Variants in UBE3C observed in about 807,000 individuals in gnomAD.
The protein encoded by UBE3C is ubiquitin-protein ligase E3C.
Under a neutral mutation model 129.4 loss-of-function variants are expected in UBE3C, and 42 were observed. The observed-to-expected ratio is 0.32, with a 90% CI of 0.25 to 0.42. UBE3C has a LOEUF of 0.42. UBE3C is among the 10% of genes least tolerant of loss of function. The pLI is 1.00. For missense variants in UBE3C, 1,049 were observed against 1,319.1 expected (o/e 0.80, Z 3.17); for synonymous variants, 510 against 492.4 (o/e 1.04, Z -0.47).
chr7:157,250,703 C>T (rs1165593623), intron 19 of UBE3C, among the ~76,000 whole-genome samples: 2 of 152,124 alleles, frequency 1.3e-5, no homozygotes, highest in Non-Finnish European at 2.9e-5. Context: ...GCTGAATTTT[C>T]ACCAATGCAA....
intron 1 of UBE3C, among the ~76,000 whole-genome samples, chr7:157,157,889 A>G (rs1405519966): frequency 6.6e-6 from 1 of 151,934 alleles, no homozygotes; most frequent in Non-Finnish European, 1.5e-5. Context: ...CCGAGGCAGG[A>G]GAATTGCTTG....
chr7:157,264,273 G>A (rs1255959790), intron 22 of UBE3C, among the ~76,000 whole-genome samples: 36 of 144,414 alleles, frequency 2.5e-4, no homozygotes, highest in African/African-American at 8.3e-4. Context: ...TACTACAGGT[G>A]TAAGCCAACA....
In UBE3C at chr7:157,150,094, A is replaced by G. The variant is rs562098681; in HGVS notation, c.66+10756A>G. Among the ~76,000 whole-genome samples, 5 of 152,162 alleles carry G rather than the reference A, an allele frequency of 3.3e-5. No homozygotes were observed. The South Asian group carries it at 8.3e-4, about 25-fold the overall frequency. ...ATAACAGATTTATCAAGAGTCTAAC[A>G]AGGCCAGGCATGGTGGCTCACACCT... On this transcript the variant is annotated intron_variant, in intron 1 of 22. Transcript: ENST00000348165.
At chr7:157,225,701 C>T (rs1795857042) in intron 17 of UBE3C, among the ~76,000 whole-genome samples, 162 bp downstream of exon 17, 1 of 152,174 alleles carries the variant, frequency 6.6e-6, no homozygotes, top group Admixed American at 6.5e-5. Flanking sequence ...ATAATCCCAG[C>T]ACTTTGGGAG....
At chr7:157,140,075 T>C in intron 1 of UBE3C, 1 of 980,032 alleles carries the variant, frequency 1.0e-6, no homozygotes, top group Non-Finnish European at 1.2e-6. Flanking sequence ...AGTCTAGAAT[T>C]TCTAGCTGTC....
At chr7:157,183,348 AAGAC>A (rs1226524121) in intron 8 of UBE3C, among the ~76,000 whole-genome samples, 2 of 152,326 alleles carry the variant, frequency 1.3e-5, no homozygotes, top group East Asian at 1.9e-4. Flanking sequence ...GTAATTGACT[AAGAC>A]AGTTCACAGA....
At chr7:157,259,379 C>T (rs1237921434) in intron 22 of UBE3C, among the ~76,000 whole-genome samples, 4 of 152,198 alleles carry the variant, frequency 2.6e-5, no homozygotes, top group African/African-American at 7.2e-5. Flanking sequence ...TGAGAATGTT[C>T]GTCAATGTGA....
intron 1 of UBE3C, among the ~76,000 whole-genome samples, chr7:157,153,485 C>T (rs999354727): frequency 6.6e-6 from 1 of 152,014 alleles, no homozygotes; most frequent in Non-Finnish European, 1.5e-5. Flanking sequence ...TAACAGAGTC[C>T]AGGTCTCACG....
intron 1 of UBE3C, among the ~76,000 whole-genome samples, chr7:157,148,731 C>CTTTTTT (rs58138213): frequency 7.6e-6 from 1 of 131,792 alleles, no homozygotes; most frequent in African/African-American, 2.8e-5. Context: ...CAAATTAGTT[C>CTTTTTT]TTTTTTTTTT....
intron 18 of UBE3C, among the ~76,000 whole-genome samples, chr7:157,240,262 C>G (rs970878471): frequency 2.6e-5 from 4 of 152,140 alleles, no homozygotes; most frequent in African/African-American, 9.7e-5. Flanking sequence ...GCCATGTTGG[C>G]CAGGCTGGTC....
chr7:157,158,809 T>C (rs1024614637), intron 1 of UBE3C, among the ~76,000 whole-genome samples: 5 of 152,198 alleles, frequency 3.3e-5, no homozygotes, highest in Non-Finnish European at 5.9e-5. Context: ...TTAAAATCTA[T>C]TGTTGATTTT....
intron 10 of UBE3C, among the ~76,000 whole-genome samples, chr7:157,193,419 G>A (rs1239464653): frequency 6.6e-6 from 1 of 152,136 alleles, no homozygotes; most frequent in Non-Finnish European, 1.5e-5. Flanking sequence ...ATGCTGTGGT[G>A]GCCTTGACTC....
chr7:157,161,331 T>A (rs1808064739), intron 1 of UBE3C, among the ~76,000 whole-genome samples: 1 of 152,180 alleles, frequency 6.6e-6, no homozygotes, highest in East Asian at 1.9e-4. Flanking sequence ...AAGTAAACAA[T>A]CATGAATCAT....
chr7:157,162,298 G>T (rs1458068318), intron 1 of UBE3C, among the ~76,000 whole-genome samples: 1 of 151,826 alleles, frequency 6.6e-6, no homozygotes, highest in South Asian at 2.1e-4. Context: ...GGGTTCAAGC[G>T]ATTCTTCTCC....
chr7:157,154,317 T>TA (rs199684379), intron 1 of UBE3C, among the ~76,000 whole-genome samples: 25 of 147,764 alleles, frequency 1.7e-4, no homozygotes, highest in East Asian at 2.0e-4. Flanking sequence ...AGATTCTGTC[T>TA]AAAAAAAAAA....
At chr7:157,211,167 G>GGAGAGAGAGAGAGAGAGAGAGA (rs3039783) in intron 13 of UBE3C, among the ~76,000 whole-genome samples, 1,617 of 137,038 alleles carry the variant, frequency 0.012, 29 homozygotes, top group Non-Finnish European at 0.014. Flanking sequence ...CCATATGTCT[G>GGAGAGAGAGAGAGAGAGAGAGA]GAGAGAGAGA....
intron 2 of UBE3C, among the ~76,000 whole-genome samples, chr7:157,165,601 G>C (rs972327611): frequency 1.3e-5 from 2 of 152,072 alleles, no homozygotes; most frequent in African/African-American, 4.8e-5. Context: ...GTTTTGCCAT[G>C]TTGGGCAGGC....
chr7:157,172,764 G>C (rs936298000), intron 4 of UBE3C, among the ~76,000 whole-genome samples: 9 of 152,180 alleles, frequency 5.9e-5, no homozygotes, highest in African/African-American at 2.2e-4. Context: ...TCTGGAACAG[G>C]ATGTCCTGGC....
Position 157,220,757 on chromosome 7 carries a change from G to A in UBE3C, c.1983G>A (p.Pro661=), listed in dbSNP as rs750204249. The A allele has an allele frequency of 5.6e-6, 9 of 1,614,028 alleles. No individual in the cohort carries two copies. The highest frequency in any genetic ancestry group is 4.4e-5 in the South Asian group (4 of 91,092). The change falls in exon 15 of 23, where the codon CCG becomes CCA. Residue 661 remains proline, a synonymous_variant. Transcript: ENST00000348165. ...WRFRRMGRIG[P]LQSTLDVGLE... is the part of the protein sequence containing the mutation. Reference sequence around the variant, plus strand: ...TCCGGCGGATGGGGAGGATAGGCCCGCTGCAGTCCACCCTGGACGGTGAGT... The same window carrying A: ...TCCGGCGGATGGGGAGGATAGGCCCACTGCAGTCCACCCTGGACGGTGAGT...
Sources: allele counts gnomAD v4.1 joint callset (sites outside exome capture counted in the v4.1 genomes callset), GRCh38; gene constraint gnomAD v4.1.1; transcripts MANE v1.5; gene names NCBI Gene and HGNC (gene_info 2026-07-23, HGNC 2026-07-21).